The following TIAM1 variants were observed in gnomAD, a reference collection of about 807,000 sequenced individuals.
TIAM1 encodes the protein rho guanine nucleotide exchange factor TIAM1.
A neutral mutation model predicts 163.5 loss-of-function variants in TIAM1; 65 were observed. The ratio of observed to expected loss-of-function variants is 0.40; its 90% CI spans 0.33 to 0.49. The LOEUF (loss-of-function observed/expected upper bound fraction) is 0.49, where lower values mean the gene tolerates loss of function less well. TIAM1 is among the 20% of genes least tolerant of loss of function. TIAM1 has a pLI of 0.77. For synonymous variants in TIAM1, 833 were observed against 810.1 expected, an observed-to-expected ratio of 1.03 and a Z score of -0.48; for missense variants, 1,789 against 2,044.7, an observed-to-expected ratio of 0.87 and a Z score of 2.41.
chr21:31,431,872 C>T (rs2044040801), intron 2 of TIAM1, among the ~76,000 whole-genome samples: 1 of 152,124 alleles, frequency 6.6e-6, no homozygotes, highest in Non-Finnish European at 1.5e-5. Flanking sequence ...CTTATGGGAC[C>T]ACCATCATGT....
chr21:31,187,182 T>C (rs936168161), intron 13 of TIAM1, 95 bp from the exon 14 acceptor site: 2 of 1,133,052 alleles, frequency 1.8e-6, no homozygotes, highest in Non-Finnish European at 2.7e-6. Context: ...GTATGTTTCA[T>C]GTTTGTCATT....
chr21:31,139,563 A>T (rs1302831456), intron 22 of TIAM1, among the ~76,000 whole-genome samples: 1 of 152,172 alleles, frequency 6.6e-6, no homozygotes, highest in Non-Finnish European at 1.5e-5. Context: ...TTGAAACCAT[A>T]GTTTTCTTCT....
rs796569075 is a variant in TIAM1, at chr21:31,239,126, AT to A, written c.1584+6361del. On this transcript the variant is annotated intron_variant, in intron 6 of 27. Coordinates refer to ENST00000541036, the MANE Select transcript of TIAM1 (RefSeq NM_001353694.2). ...AAACCATGTCAGATGCAGAAAAACA[AT>A]TTTTTTTTTTTTTAAGATAGGGTCT... 5.9e-3 allele frequency among the ~76,000 whole-genome samples: 853 copies of A among 145,334 alleles called. 3 individuals are homozygous for A. Among genetic ancestry groups the A allele is most frequent in the African/African-American group, 9.3e-3 (372 of 39,964 alleles).
chr21:31,517,397 AC>A (rs535924138), intron 1 of TIAM1, among the ~76,000 whole-genome samples: 94 of 152,326 alleles, frequency 6.2e-4, no homozygotes, highest in African/African-American at 2.1e-3. Context: ...AAACTTTAAA[AC>A]GGTCCTATAA....
chr21:31,546,637 G>A (rs1387607934), intron 1 of TIAM1, among the ~76,000 whole-genome samples: 4 of 151,960 alleles, frequency 2.6e-5, no homozygotes, highest in Non-Finnish European at 5.9e-5. Context: ...TGTAATCAAA[G>A]GCTATTAACC....
chr21:31,187,948 CAT>C (rs1344070623), intron 13 of TIAM1, among the ~76,000 whole-genome samples: 1 of 151,940 alleles, frequency 6.6e-6, no homozygotes, highest in Non-Finnish European at 1.5e-5. Flanking sequence ...AAGGGGAACA[CAT>C]GTCATTGTAT....
chr21:31,149,304 A>C (rs1005776960), intron 19 of TIAM1, among the ~76,000 whole-genome samples: 1 of 152,192 alleles, frequency 6.6e-6, no homozygotes, highest in Non-Finnish European at 1.5e-5. Flanking sequence ...CATATTTGGG[A>C]ATATCTGCAT....
At chr21:31,530,453 C>G (rs2047934419) in intron 1 of TIAM1, among the ~76,000 whole-genome samples, 1 of 152,238 alleles carries the variant, frequency 6.6e-6, no homozygotes, top group Admixed American at 6.5e-5. Flanking sequence ...TATTCTGTCT[C>G]CCTTCACAAC....
intron 2 of TIAM1, among the ~76,000 whole-genome samples, chr21:31,387,787 G>A (rs1190986782): frequency 6.6e-6 from 1 of 152,080 alleles, no homozygotes; most frequent in African/African-American, 2.4e-5. Flanking sequence ...GGGCCTGGAG[G>A]GAAGCCGGCA....
intron 8 of TIAM1, among the ~76,000 whole-genome samples, chr21:31,222,711 T>A (rs868127928): frequency 8.6e-4 from 59 of 68,324 alleles, no homozygotes; most frequent in Non-Finnish European, 1.1e-3. Context: ...ATATATATTT[T>A]TTTTTTTTTT....
intron 14 of TIAM1, among the ~76,000 whole-genome samples, chr21:31,185,614 T>C (rs1365603123): frequency 6.9e-6 from 1 of 144,772 alleles, no homozygotes; most frequent in Non-Finnish European, 1.5e-5. Flanking sequence ...CTATATATTA[T>C]ATTAATATAT....
At chr21:31,387,409 C>T (rs531099434) in intron 2 of TIAM1, among the ~76,000 whole-genome samples, 62 of 151,530 alleles carry the variant, frequency 4.1e-4, no homozygotes, top group African/African-American at 1.4e-3. Context: ...CATGGGGTTT[C>T]GCCATGTTGA....
At chr21:31,167,669 C>G (rs2084300967) in intron 15 of TIAM1, among the ~76,000 whole-genome samples, 1 of 152,056 alleles carries the variant, frequency 6.6e-6, no homozygotes, top group Non-Finnish European at 1.5e-5. Flanking sequence ...GGGGACAATT[C>G]TTTTGGGACA....
chr21:31,438,177 ATCTTTTTTTTTTT>A (rs2044280511), intron 2 of TIAM1, among the ~76,000 whole-genome samples: 1 of 99,660 alleles, frequency 1.0e-5, no homozygotes, highest in Non-Finnish European at 1.9e-5. Flanking sequence ...CGTATTTGTG[ATCTTTTTTTTTTT>A]TTTTTTTTTT....
intron 22 of TIAM1, among the ~76,000 whole-genome samples, chr21:31,137,110 C>G (rs1249274605): frequency 2.0e-5 from 3 of 152,204 alleles, no homozygotes; most frequent in Non-Finnish European, 2.9e-5. Context: ...ACAACAGTCC[C>G]GTCTGCTTTT....
intron 1 of TIAM1, among the ~76,000 whole-genome samples, chr21:31,548,683 T>G (rs2048583952): frequency 6.6e-6 from 1 of 151,460 alleles, no homozygotes; most frequent in Admixed American, 6.6e-5. Flanking sequence ...GAGATGGGTC[T>G]TCACCATGTT....
chr21:31,529,830 C>T (rs916151762), intron 1 of TIAM1, among the ~76,000 whole-genome samples: 1 of 152,100 alleles, frequency 6.6e-6, no homozygotes, highest in Admixed American at 6.6e-5. Context: ...AGGGAAGGTC[C>T]GCAGAGACAA....
intron 2 of TIAM1, among the ~76,000 whole-genome samples, chr21:31,418,011 T>G (rs1443089225): frequency 6.6e-6 from 1 of 151,996 alleles, no homozygotes; most frequent in African/African-American, 2.4e-5. Context: ...TCGGGGCAAT[T>G]GGAAAGGCCC....
chr21:31,304,808 G>A (rs1203272042), intron 2 of TIAM1, among the ~76,000 whole-genome samples: 1 of 152,062 alleles, frequency 6.6e-6, no homozygotes, highest in Non-Finnish European at 1.5e-5. Flanking sequence ...TTCTCGTGCC[G>A]CAGCCTCCCA....
Sources: gnomAD v4.1 joint callset for allele counts (sites outside exome capture counted in the v4.1 genomes callset) on GRCh38, gnomAD v4.1.1 for gene constraint, MANE v1.5 for transcripts, NCBI Gene and HGNC (gene_info 2026-07-23, HGNC 2026-07-21) for gene names.